The following DPY19L4 variants were observed in gnomAD, a reference collection of about 807,000 sequenced individuals.
The protein encoded by DPY19L4 is probable C-mannosyltransferase DPY19L4.
DPY19L4 carries 97 observed loss-of-function variants against 102.8 expected under a neutral mutation model. The ratio of observed to expected loss-of-function variants is 0.94; its 90% confidence interval spans 0.80 to 1.12. The LOEUF (loss-of-function observed/expected upper bound fraction) is 1.12. Among genes scored for constraint, DPY19L4 ranks in the 50% most tolerant of loss-of-function variants. The pLI, the probability that DPY19L4 is intolerant of heterozygous loss-of-function variation, is 0.00. For missense variants in DPY19L4, 815 were observed against 850.4 expected (o/e 0.96, Z 0.52); for synonymous variants, 252 against 283.1 (o/e 0.89, Z 1.10).
chr8:94,774,518 ACT>A (rs1813081397), intron 13 of DPY19L4, among the ~76,000 whole-genome samples: 3 of 150,718 alleles, frequency 2.0e-5, no homozygotes, highest in African/African-American at 7.3e-5. Flanking sequence ...TCAATGAACA[ACT>A]CTCGTTTTTT....
At chr8:94,766,063 T>C (rs1409900805) in intron 10 of DPY19L4, among the ~76,000 whole-genome samples, 1 of 152,220 alleles carries the variant, frequency 6.6e-6, no homozygotes, top group Non-Finnish European at 1.5e-5. Context: ...CATTAAGCAA[T>C]ATATGGAATA....
At chr8:94,769,692 GA>G (rs141749165) in intron 12 of DPY19L4, among the ~76,000 whole-genome samples, 3,796 of 147,686 alleles carry the variant, frequency 0.026, 166 homozygotes, top group African/African-American at 0.089. Context: ...GTCTCTTAAA[GA>G]AAAAGAAAAA....
intron 7 of DPY19L4, among the ~76,000 whole-genome samples, chr8:94,758,152 A>G (rs981983812): frequency 6.6e-6 from 1 of 151,986 alleles, no homozygotes; most frequent in Non-Finnish European, 1.5e-5. Context: ...GAACTGCCTA[A>G]GTTTCTTTAT....
chr8:94,759,757 C>T (rs1812323790), intron 7 of DPY19L4, among the ~76,000 whole-genome samples: 1 of 152,074 alleles, frequency 6.6e-6, no homozygotes, highest in African/African-American at 2.4e-5. Flanking sequence ...CCCGCTTCAG[C>T]CTCCCAAAGT....
In DPY19L4 at chr8:94,739,787, A is replaced by C. The variant is rs899509974; in HGVS notation, c.608A>C (p.Asn203Thr). 1.2e-6 allele frequency: 2 copies of C among 1,611,608 alleles called. No individual in the cohort carries two copies. Among genetic ancestry groups the C allele is most frequent in the Non-Finnish European group, 1.7e-6 (2 of 1,179,930 alleles). Reference protein sequence around the residue: ...GMLTVAWFVINRVDTTRIEYS... With the variant: ...GMLTVAWFVITRVDTTRIEYS... ...CTTACTGTTGCGTGGTTCGTTATTA[A>C]CAGGTAAGAAAGCTGTTTTAATTGA... Residue 203 changes from asparagine (N) to threonine (T), a missense_variant, in exon 6 of 19, where the codon AAC (asparagine) becomes ACC (threonine). Coordinates refer to ENST00000414645, the MANE Select transcript of DPY19L4 (RefSeq NM_181787.3).
At chr8:94,720,307 G>T in intron 1 of DPY19L4, 1 of 960,748 alleles carries the variant, frequency 1.0e-6, no homozygotes, top group Non-Finnish European at 1.2e-6. Context: ...AAGAGGGAGG[G>T]TCCTGATCAG....
rs538511564 is a variant in DPY19L4 at position 94,747,024 on chromosome 8, T to A, written c.611+7234T>A. 2.6e-3 allele frequency among the ~76,000 whole-genome samples: 402 copies of A among 152,216 alleles called. 1 individual carries two copies. Among genetic ancestry groups the A allele is most frequent in the Non-Finnish European group, 4.0e-3 (275 of 68,012 alleles). ...GTCTACTACAAACAATTTTTTTTTT[T>A]ACCATAGTGATCAGAACATTGGTTT... On this transcript the variant is annotated intron_variant, in intron 6 of 18. Coordinates refer to ENST00000414645, the MANE Select transcript of DPY19L4 (RefSeq NM_181787.3).
chr8:94,752,301 A>G (rs1811966351), intron 6 of DPY19L4, among the ~76,000 whole-genome samples: 1 of 152,012 alleles, frequency 6.6e-6, no homozygotes, highest in Non-Finnish European at 1.5e-5. Context: ...AAAAGCTTAG[A>G]TTGCTGGGGG....
intron 10 of DPY19L4, among the ~76,000 whole-genome samples, chr8:94,766,044 C>T (rs1812658055): frequency 6.6e-6 from 1 of 152,104 alleles, no homozygotes; most frequent in African/African-American, 2.4e-5. Flanking sequence ...GTCATCATTA[C>T]CCAGTTAACA....
At chr8:94,749,466 C>T (rs1335214352) in intron 6 of DPY19L4, among the ~76,000 whole-genome samples, 1 of 152,154 alleles carries the variant, frequency 6.6e-6, no homozygotes, top group African/African-American at 2.4e-5. Flanking sequence ...ACATTTATAA[C>T]CTTTACATCC....
chr8:94,725,781 G>A (rs1390630624), intron 1 of DPY19L4, among the ~76,000 whole-genome samples: 1 of 151,960 alleles, frequency 6.6e-6, no homozygotes, highest in African/African-American at 2.4e-5. Context: ...GACTACAGGC[G>A]CCTGCCACCA....
At position 94,765,193 on chromosome 8, in the gene DPY19L4, T is replaced by TA. The variant is rs1207397150; in HGVS notation, c.881_882insA (p.Tyr295LeufsTer2). 1 of 1,517,446 alleles carries TA rather than the reference T, an allele frequency of 6.6e-7. No homozygotes were observed. The highest frequency in any genetic ancestry group is 1.4e-5 in the African/African-American group (1 of 71,802). 94.0% of individuals were successfully genotyped at this position (1,517,446 alleles called of 1,614,324 possible). ...TTTTTGTCACAACAGGTTTATGAAG[T>TA]TTATAAAATCTACATATTTTCCCTC... On this transcript the variant is annotated frameshift_variant, in exon 9 of 19. Coordinates refer to ENST00000414645, the MANE Select transcript of DPY19L4 (RefSeq NM_181787.3). LOFTEE classifies it high-confidence loss of function.
intron 17 of DPY19L4, among the ~76,000 whole-genome samples, chr8:94,787,681 T>C (rs1182247007): frequency 6.6e-6 from 1 of 152,096 alleles, no homozygotes; most frequent in Non-Finnish European, 1.5e-5. Flanking sequence ...AGAAAAATTA[T>C]AGTAAAAAGC....
chr8:94,767,108 A>G (rs1382933090), intron 11 of DPY19L4, among the ~76,000 whole-genome samples: 2 of 151,604 alleles, frequency 1.3e-5, no homozygotes, highest in Non-Finnish European at 2.9e-5. Context: ...TGTATTTGCC[A>G]TATTGTTAAA....
intron 2 of DPY19L4, among the ~76,000 whole-genome samples, chr8:94,726,745 A>G (rs1388843324): frequency 1.3e-5 from 2 of 152,184 alleles, no homozygotes; most frequent in Non-Finnish European, 2.9e-5. Context: ...AATGTCTCTT[A>G]AAGTTTCTGC....
rs575171619 is a variant in DPY19L4 at position 94,763,367 on chromosome 8, G to T, written c.870+1533G>T. Reference sequence around the variant, plus strand: ...TTATTTTTACTTTTTTGGAGACAGGGTCTCACTCCGTCACCCAGGCTGGAG... The same window carrying T: ...TTATTTTTACTTTTTTGGAGACAGGTTCTCACTCCGTCACCCAGGCTGGAG... On this transcript the variant is annotated intron_variant, in intron 8 of 18. Transcript: ENST00000414645. Among the ~76,000 whole-genome samples the T allele has an allele frequency of 3.2e-4, 47 of 148,380 alleles. 1 individual carries two copies. The highest frequency in any genetic ancestry group is 1.2e-3 in the African/African-American group (47 of 40,300).
At chr8:94,734,896 A>G (rs1586322208) in intron 3 of DPY19L4, 142 bp downstream of exon 3, 3 of 1,134,164 alleles carry the variant, frequency 2.6e-6, no homozygotes, top group East Asian at 5.1e-5. Flanking sequence ...ATATAGTTAC[A>G]GTATCAACCT....
intron 6 of DPY19L4, among the ~76,000 whole-genome samples, chr8:94,752,882 G>A (rs1218736601): frequency 6.6e-6 from 1 of 151,420 alleles, no homozygotes; most frequent in Non-Finnish European, 1.5e-5. Context: ...AGCCAGGATG[G>A]TCTCGATTTC....
At chr8:94,774,384 AT>A (rs1813074872) in intron 13 of DPY19L4, among the ~76,000 whole-genome samples, 2 of 151,302 alleles carry the variant, frequency 1.3e-5, no homozygotes, top group African/African-American at 4.8e-5. Context: ...AAAGAAGTAC[AT>A]AACATAAAAT....
Sources: gnomAD v4.1 joint callset for allele counts (sites outside exome capture counted in the v4.1 genomes callset) on GRCh38, gnomAD v4.1.1 for gene constraint, MANE v1.5 for transcripts, NCBI Gene and HGNC (gene_info 2026-07-23, HGNC 2026-07-21) for gene names.